The following VWDE variants were observed in gnomAD, a reference collection of about 807,000 sequenced individuals.
VWDE encodes von Willebrand factor D and EGF domain-containing protein.
A neutral mutation model predicts 178.4 loss-of-function variants in VWDE; 207 were observed. The ratio of observed to expected loss-of-function variants is 1.16; its 90% confidence interval spans 1.04 to 1.30. The LOEUF (loss-of-function observed/expected upper bound fraction) is 1.30. Among genes scored for constraint, VWDE ranks in the 50% most tolerant of loss-of-function variants. The pLI is 0.00. For missense variants in VWDE, 2,287 were observed against 1,901.3 expected (o/e 1.20, Z -3.77); for synonymous variants, 738 against 651.4 (o/e 1.13, Z -2.02).
chr7:12,357,333 G>C lies in VWDE; in HGVS notation c.3457C>G (p.Leu1153Val). The C allele has an allele frequency of 6.4e-7, 1 of 1,552,164 alleles. No homozygotes were observed. The highest frequency in any genetic ancestry group is 8.7e-7 in the Non-Finnish European group (1 of 1,147,114). Residue 1153 changes from leucine to valine, a missense_variant, in exon 17 of 29, where the codon CTA becomes GTA. Coordinates refer to ENST00000275358, the MANE Select transcript of VWDE (RefSeq NM_001135924.3). ...CGTACAGTAATTTGTTGGGTAGTTA[G>C]TAAATCTGTTTTCCACATAAAAAGC... ...AGLFMWKTDL[L>V]TTQQITVRLN...
At chr7:12,393,090 G>C (rs1784461128) in intron 2 of VWDE, among the ~76,000 whole-genome samples, 1 of 152,114 alleles carries the variant, frequency 6.6e-6, no homozygotes, top group African/African-American at 2.4e-5. Flanking sequence ...ATTAGTCTTA[G>C]AATAGGAGGT....
Position 12,356,197 on chromosome 7 carries a change from C to T in VWDE, c.3659G>A (p.Ser1220Asn). 1 of 1,551,588 alleles carries T rather than the reference C, an allele frequency of 6.4e-7. No individual in the cohort carries two copies. Among genetic ancestry groups the T allele is most frequent in the East Asian group, 2.4e-5 (1 of 40,894 alleles). ...FHGSLCEVDISGCQSNPCGLG... is the reference protein window; with the variant it reads ...FHGSLCEVDINGCQSNPCGLG... ...ACCACAAGGGTTGGATTGGCACCCA[C>T]TAATGTCCACTTCACAAAGGCTGCC... The change falls in exon 18 of 29, where the codon AGT becomes AAT. Residue 1220 changes from serine (S) to asparagine (N), a missense_variant. Ser to Asn is a conservative substitution (Grantham distance 46). Transcript: ENST00000275358.
intron 10 of VWDE, among the ~76,000 whole-genome samples, chr7:12,372,544 A>G (rs1783264103): frequency 6.6e-6 from 1 of 152,098 alleles, no homozygotes; most frequent in African/African-American, 2.4e-5. Flanking sequence ...TAAAGGAAAA[A>G]GAATTAAAAA....
intron 18 of VWDE, chr7:12,354,518 T>A (rs571790906): frequency 3.1e-6 from 1 of 320,672 alleles, no homozygotes; most frequent in Admixed American, 4.7e-5. Flanking sequence ...GAGCTCAGAT[T>A]ATTTAATTTG....
At chr7:12,372,768 A>C (rs116775425) in intron 10 of VWDE, among the ~76,000 whole-genome samples, 1,868 of 152,246 alleles carry the variant, frequency 0.012, 38 homozygotes, top group African/African-American at 0.043. Context: ...ATGTTAAATA[A>C]GGCAGTTTAG....
intron 19 of VWDE, among the ~76,000 whole-genome samples, chr7:12,347,503 C>G (rs1781669837): frequency 6.6e-6 from 1 of 151,704 alleles, no homozygotes; most frequent in African/African-American, 2.4e-5. Context: ...AGTATAAAGC[C>G]ACACTAATCA....
At chr7:12,344,509 C>G (rs893265255) in intron 19 of VWDE, 40 bp from the exon 20 acceptor site, 5 of 1,456,778 alleles carry the variant, frequency 3.4e-6, no homozygotes, top group Non-Finnish European at 4.7e-6. Flanking sequence ...ATTGCTAAAA[C>G]AGAACATACA....
intron 19 of VWDE, among the ~76,000 whole-genome samples, chr7:12,351,328 A>T (rs1411386335): frequency 2.0e-5 from 3 of 152,138 alleles, no homozygotes; most frequent in Non-Finnish European, 4.4e-5. Context: ...TCCAACCATA[A>T]GCTTCTCCGA....
intron 1 of VWDE, among the ~76,000 whole-genome samples, chr7:12,402,697 G>GA (rs767310318): frequency 2.0e-5 from 3 of 152,018 alleles, no homozygotes; most frequent in African/African-American, 2.4e-5. Flanking sequence ...AGAAGGACCA[G>GA]AAAAAATATC....
chr7:12,376,558 T>G (rs535474630), intron 7 of VWDE, among the ~76,000 whole-genome samples: 39 of 152,238 alleles, frequency 2.6e-4, no homozygotes, highest in Admixed American at 2.4e-3. Context: ...TACCTGTAAC[T>G]GAAGAAAATC....
chr7:12,331,346 A>G, intron 28 of VWDE, 149 bp from the exon 29 acceptor site: 1 of 569,798 alleles, frequency 1.8e-6, no homozygotes, highest in Non-Finnish European at 2.9e-6. Context: ...TTTTCATAAA[A>G]TTGAAATCAA....
chr7:12,379,544 A>G lies in VWDE; in HGVS notation c.812T>C (p.Phe271Ser), dbSNP rs2128558155. 1.9e-6 allele frequency: 3 copies of G among 1,549,830 alleles called. No individual in the cohort carries two copies. The highest frequency in any genetic ancestry group is 2.6e-6 in the Non-Finnish European group (3 of 1,146,256). Reference sequence around the variant, plus strand: ...TTGTACATGAGGATTCTCCAAGAAAAAGACAGAAGCGCTGCAGAATATCTA... The same window carrying G: ...TTGTACATGAGGATTCTCCAAGAAAGAGACAGAAGCGCTGCAGAATATCTA... Reference protein sequence around the residue: ...GDRIFCSASVFFLENPHVQSV... With the variant: ...GDRIFCSASVSFLENPHVQSV... Residue 271 changes from phenylalanine to serine, a missense_variant, in exon 6 of 29, where the codon TTT becomes TCT. Coordinates refer to ENST00000275358, the MANE Select transcript of VWDE (RefSeq NM_001135924.3).
intron 24 of VWDE, among the ~76,000 whole-genome samples, chr7:12,339,116 A>T (rs994897190): frequency 6.6e-6 from 1 of 152,154 alleles, no homozygotes; most frequent in Non-Finnish European, 1.5e-5. Context: ...AAAGCTGTGG[A>T]GGCAAGCTCA....
At chr7:12,339,584 G>T (rs1359141797) in intron 24 of VWDE, among the ~76,000 whole-genome samples, 1 of 151,942 alleles carries the variant, frequency 6.6e-6, no homozygotes, top group Non-Finnish European at 1.5e-5. Context: ...CAAAATAAAA[G>T]AAATAGAATT....
At position 12,386,249 on chromosome 7, in the gene VWDE, G is replaced by T. The variant is rs920576331; in HGVS notation, c.476-2648C>A. On this transcript the variant is annotated intron_variant, in intron 3 of 28. Transcript: ENST00000275358. Reference sequence around the variant, plus strand: ...TTTTTAAAATATTTCAAAAACTCTTGTCTTGGCCACCCAATGAGATTGATG... The same window carrying T: ...TTTTTAAAATATTTCAAAAACTCTTTTCTTGGCCACCCAATGAGATTGATG... Among the ~76,000 whole-genome samples, 17 of 152,238 alleles carry T rather than the reference G, an allele frequency of 1.1e-4. No individual in the cohort carries two copies. The Middle Eastern group carries it at 0.01, about 91-fold the overall frequency.
intron 16 of VWDE, 127 bp downstream of exon 16, chr7:12,359,451 G>A (rs1296532983): frequency 3.4e-6 from 2 of 591,902 alleles, no homozygotes; most frequent in Non-Finnish European, 6.0e-6. Flanking sequence ...AAATTTTGCA[G>A]TTAGGAGAGA....
intron 3 of VWDE, 137 bp from the exon 4 acceptor site, chr7:12,383,738 A>AT (rs1783967199): frequency 1.1e-5 from 8 of 733,454 alleles, no homozygotes; most frequent in Non-Finnish European, 1.7e-5. Context: ...ATTTCATAAC[A>AT]TTTTTTTCCT....
At chr7:12,381,874 A>C (rs1199919067) in intron 4 of VWDE, among the ~76,000 whole-genome samples, 1 of 151,930 alleles carries the variant, frequency 6.6e-6, no homozygotes, top group African/African-American at 2.4e-5. Flanking sequence ...GACTGAAAAA[A>C]ATAATTCATG....
intron 6 of VWDE, among the ~76,000 whole-genome samples, chr7:12,379,237 C>T (rs10255135): frequency 0.42 from 63,557 of 152,094 alleles, 13,494 homozygotes; most frequent in Non-Finnish European, 0.45. Flanking sequence ...TTCTGCTTTA[C>T]TCTAATTTGA....
Sources: gnomAD v4.1 joint callset for allele counts (sites outside exome capture counted in the v4.1 genomes callset) on GRCh38, gnomAD v4.1.1 for gene constraint, MANE v1.5 for transcripts, NCBI Gene and HGNC (gene_info 2026-07-23, HGNC 2026-07-21) for gene names.